The following SMN1 variants were observed in gnomAD, a reference collection of about 807,000 sequenced individuals.
The protein encoded by SMN1 is survival motor neuron protein.
For synonymous variants in SMN1, 3 were observed against 5.1 expected (o/e 0.58, Z 0.56); for missense variants, 15 against 17.1 (o/e 0.88, Z 0.22).
At chr5:70,946,513 CTTTTTTTTTTTTT>C (rs1233804907) in intron 7 of SMN1, among the ~76,000 whole-genome samples, 1 of 3,282 alleles carries the variant, frequency 3.0e-4, no homozygotes, top group Non-Finnish European at 4.3e-4. Flanking sequence ...AAATGAAATT[CTTTTTTTTTTTTT>C]TTTTTTTTTG....
At chr5:70,960,026 G>A in the SMN1 span, among the ~76,000 whole-genome samples, 2 of 144,098 alleles carry the variant, frequency 1.4e-5, no homozygotes, top group Non-Finnish European at 3.1e-5. Context: ...TGGAGAGTTT[G>A]TTTCCTGCAA....
At position 70,950,144 on chromosome 5, in the gene SMN1, G is replaced by T. The variant is rs1342654136; in HGVS notation, c.835-1797G>T. The stretch of plus-strand genomic sequence containing the variant: ...CTGAAAGAAGAAAAATCAGCTGGGC[G>T]CAGTGGCTCACGCCGGTAATCCCAA... On this transcript the variant is annotated intron_variant, in intron 7 of 8. Coordinates refer to ENST00000380707, the MANE Select transcript of SMN1 (RefSeq NM_000344.4). Among the ~76,000 whole-genome samples, 5 of 148,868 alleles carry T rather than the reference G, an allele frequency of 3.4e-5. 1 individual carries two copies. Among genetic ancestry groups the T allele is most frequent in the Non-Finnish European group, 3.0e-5 (2 of 67,472 alleles).
At chr5:70,950,045 G>T (rs1749635632) in intron 7 of SMN1, among the ~76,000 whole-genome samples, 2 of 146,830 alleles carry the variant, frequency 1.4e-5, no homozygotes, top group Non-Finnish European at 3.0e-5. Context: ...TCCAGCCTGG[G>T]CAATAAGAGC....
intron 7 of SMN1, 48 bp from the exon 8 acceptor site, chr5:70,951,893 C>CT (rs1197177005): frequency 6.6e-7 from 1 of 1,509,238 alleles, no homozygotes; most frequent in African/African-American, 1.4e-5. Context: ...ATATAGCTAT[C>CT]TATGTCTATA....
chr5:70,945,609 A>G (rs1749539282), intron 6 of SMN1, among the ~76,000 whole-genome samples: 2 of 108,758 alleles, frequency 1.8e-5, no homozygotes, highest in Non-Finnish European at 3.6e-5. Context: ...GTATTAAGGA[A>G]AAGCATGAAA....
At chr5:70,943,756 G>A (rs1196867845) in intron 5 of SMN1, among the ~76,000 whole-genome samples, 2 of 138,982 alleles carry the variant, frequency 1.4e-5, no homozygotes, top group Non-Finnish European at 3.2e-5. Flanking sequence ...GTGTAAAGCG[G>A]TGATTTCTTC....
chr5:70,960,400 T>G, the SMN1 span, among the ~76,000 whole-genome samples: 1 of 149,662 alleles, frequency 6.7e-6, no homozygotes, highest in Non-Finnish European at 1.5e-5. Flanking sequence ...TATCCAGATA[T>G]TCCCAGCTGG....
intron 8 of SMN1, 26 bp downstream of exon 8, chr5:70,952,020 G>A: frequency 6.2e-7 from 1 of 1,607,980 alleles, no homozygotes; most frequent in East Asian, 2.2e-5. Context: ...TTATGAAAGT[G>A]AATCTTACTT....
downstream of SMN1, among the ~76,000 whole-genome samples, chr5:70,955,270 G>A (rs1749875629): frequency 7.5e-6 from 1 of 133,478 alleles, no homozygotes; most frequent in Admixed American, 8.1e-5. Flanking sequence ...CTCTGCTTCT[G>A]TACACTTTTT....
downstream of SMN1, among the ~76,000 whole-genome samples, chr5:70,958,703 T>C (rs1283658140): frequency 7.3e-6 from 1 of 137,026 alleles, no homozygotes; most frequent in South Asian, 2.5e-4. Flanking sequence ...TTCTGTTCTT[T>C]TACGTTTGCT....
chr5:70,935,740 G>A (rs1245667649), intron 1 of SMN1, among the ~76,000 whole-genome samples: 3 of 152,054 alleles, frequency 2.0e-5, no homozygotes, highest in African/African-American at 4.8e-5. Context: ...GTGGCATAGC[G>A]AGACTCTTGT....
chr5:70,955,323 C>G (rs1580897742), downstream of SMN1, among the ~76,000 whole-genome samples: 1 of 142,122 alleles, frequency 7.0e-6, no homozygotes, highest in Admixed American at 7.1e-5. Flanking sequence ...CCAAGCTGGT[C>G]TCGAGTTCCT....
chr5:70,950,066 C>G (rs1172349040), intron 7 of SMN1, among the ~76,000 whole-genome samples: 1 of 143,900 alleles, frequency 6.9e-6, no homozygotes, highest in Non-Finnish European at 1.5e-5. Context: ...AAAACTCCAT[C>G]TCAAAAAAAA....
chr5:70,955,152 G>A (rs1749870966), downstream of SMN1, among the ~76,000 whole-genome samples: 1 of 145,390 alleles, frequency 6.9e-6, no homozygotes, highest in South Asian at 2.2e-4. Context: ...GGTTGAGGCT[G>A]TATAATGAGC....
At chr5:70,951,785 G>T (rs1355896928) in intron 7 of SMN1, among the ~76,000 whole-genome samples, 156 bp from the exon 8 acceptor site, 3 of 150,490 alleles carry the variant, frequency 2.0e-5, no homozygotes, top group Admixed American at 6.7e-5. Flanking sequence ...TACATTAAAA[G>T]ACTATCAACT....
downstream of SMN1, among the ~76,000 whole-genome samples, chr5:70,957,263 CAG>C (rs1237647591): frequency 1.2e-5 from 1 of 85,382 alleles, no homozygotes; most frequent in Non-Finnish European, 2.4e-5. Context: ...AATCTGCAAA[CAG>C]GGACAATTTG....
At chr5:70,957,504 T>C (rs1197359694), downstream of SMN1, among the ~76,000 whole-genome samples, 9 of 148,316 alleles carry the variant, frequency 6.1e-5, no homozygotes, top group Admixed American at 2.0e-4. Context: ...AATACCTCAT[T>C]TATTGAGAGT....
At chr5:70,960,178 A>G in the SMN1 span, among the ~76,000 whole-genome samples, 1 of 150,782 alleles carries the variant, frequency 6.6e-6, no homozygotes, top group African/African-American at 2.4e-5. Flanking sequence ...TCTGTTGTTT[A>G]TATCGTCTTC....
the SMN1 span, among the ~76,000 whole-genome samples, chr5:70,963,915 T>C: frequency 1.2e-5 from 1 of 86,808 alleles, no homozygotes; most frequent in Non-Finnish European, 2.5e-5. Flanking sequence ...GACGGAGTCT[T>C]GCTCTGTCGC....
Sources: allele counts gnomAD v4.1 joint callset (sites outside exome capture counted in the v4.1 genomes callset), GRCh38; gene constraint gnomAD v4.1.1; transcripts MANE v1.5; gene names NCBI Gene and HGNC (gene_info 2026-07-23, HGNC 2026-07-21).